Variants in CDH4 observed in about 807,000 individuals in gnomAD.
CDH4 encodes cadherin 4, also known as cadherin-4.
CDH4 carries 33 observed loss-of-function variants against 86.0 expected under a neutral mutation model. The ratio of observed to expected loss-of-function variants is 0.38; its 90% CI spans 0.29 to 0.51. CDH4 has a LOEUF of 0.51. Among genes scored for constraint, CDH4 ranks in the 20% least tolerant of loss-of-function variants. The pLI is 0.86. For synonymous variants in CDH4, 555 were observed against 549.4 expected (o/e 1.01, Z -0.14); for missense variants, 1,114 against 1,307.4 (o/e 0.85, Z 2.28).
At chr20:61,834,321 TG>T (rs748963238) in intron 4 of CDH4, among the ~76,000 whole-genome samples, 10 of 152,148 alleles carry the variant, frequency 6.6e-5, no homozygotes, top group Non-Finnish European at 1.0e-4. Flanking sequence ...ATCTGGGGCC[TG>T]GGGTCTGGGG....
chr20:61,312,739 T>C (rs1222703383), intron 2 of CDH4, among the ~76,000 whole-genome samples: 3 of 152,162 alleles, frequency 2.0e-5, no homozygotes, highest in African/African-American at 7.2e-5. Flanking sequence ...TGAGTGGTTA[T>C]TAATTTTGTG....
intron 2 of CDH4, among the ~76,000 whole-genome samples, chr20:61,284,787 C>T (rs984578182): frequency 1.3e-5 from 2 of 152,166 alleles, no homozygotes; most frequent in Non-Finnish European, 2.9e-5. Context: ...TGGAACCAAA[C>T]AATAAAACTT....
intron 2 of CDH4, among the ~76,000 whole-genome samples, chr20:61,535,231 C>A (rs979756113): frequency 8.5e-5 from 13 of 152,216 alleles, no homozygotes; most frequent in Non-Finnish European, 1.5e-5. Flanking sequence ...ACCTGATGAC[C>A]TGTAACTTCA....
chr20:61,615,033 T>G (rs1314051419), intron 2 of CDH4, among the ~76,000 whole-genome samples: 3 of 152,164 alleles, frequency 2.0e-5, no homozygotes, highest in African/African-American at 7.2e-5. Flanking sequence ...GGAAGAGGCC[T>G]CTGCTGGGAG....
intron 2 of CDH4, among the ~76,000 whole-genome samples, chr20:61,438,197 G>A (rs2145527750): frequency 6.6e-6 from 1 of 152,270 alleles, no homozygotes; most frequent in South Asian, 2.1e-4. Context: ...TTCCAGTGAT[G>A]CCTTTAATTC....
chr20:61,699,527 C>T (rs541993178), intron 2 of CDH4, among the ~76,000 whole-genome samples: 2 of 87,830 alleles, frequency 2.3e-5, no homozygotes, highest in African/African-American at 5.5e-5. Flanking sequence ...TCTGGCTCTC[C>T]GAGTTGTTGT....
At chr20:61,657,276 T>G (rs1174123042) in intron 2 of CDH4, among the ~76,000 whole-genome samples, 2 of 152,204 alleles carry the variant, frequency 1.3e-5, no homozygotes, top group Non-Finnish European at 2.9e-5. Context: ...CAAGGTTGAT[T>G]CTCCTACATG....
rs147545881 is a variant in CDH4 at position 61,593,573 on chromosome 20, T to C, written c.170-149990T>C. Reference sequence around the variant, plus strand: ...GGCGTGCAGCAGTGTCACATTGTGATTTAGTAGATTTTTCAGAATGAGAGT... The same window carrying C: ...GGCGTGCAGCAGTGTCACATTGTGACTTAGTAGATTTTTCAGAATGAGAGT... On this transcript the variant is annotated intron_variant, in intron 2 of 15. Transcript: ENST00000614565. Among the ~76,000 whole-genome samples the C allele has an allele frequency of 2.1e-3, 321 of 152,292 alleles. 1 individual carries two copies. The highest frequency in any genetic ancestry group is 7.6e-3 in the African/African-American group (314 of 41,578).
intron 9 of CDH4, among the ~76,000 whole-genome samples, chr20:61,919,303 C>T (rs1353567194): frequency 1.3e-5 from 2 of 152,210 alleles, no homozygotes; most frequent in Non-Finnish European, 2.9e-5. Context: ...CCCTGAGAGG[C>T]TGTGGTGGCC....
intron 2 of CDH4, among the ~76,000 whole-genome samples, chr20:61,579,629 C>G (rs1222692790): frequency 6.6e-6 from 1 of 152,040 alleles, no homozygotes; most frequent in Non-Finnish European, 1.5e-5. Flanking sequence ...GATTCCAGCC[C>G]CAGGTTGTGT....
intron 8 of CDH4, among the ~76,000 whole-genome samples, chr20:61,896,225 T>G (rs997726897): frequency 1.9e-4 from 29 of 152,090 alleles, no homozygotes; most frequent in African/African-American, 6.5e-4. Context: ...ACCAACCCAG[T>G]GACAGATGAG....
chr20:61,612,030 G>A lies in CDH4; in HGVS notation c.170-131533G>A, dbSNP rs933826053. Among the ~76,000 whole-genome samples, 41 of 152,026 alleles carry A rather than the reference G, an allele frequency of 2.7e-4. 1 individual carries two copies. Among genetic ancestry groups the A allele is most frequent in the African/African-American group, 8.2e-4 (34 of 41,304 alleles). ...TTTGCAAAGGTTTCTTGGATATTAC[G>A]CACATTGTTGATTTTGCCAGATAGC... is the stretch of plus-strand genomic sequence containing the variant. On this transcript the variant is annotated intron_variant, in intron 2 of 15. Coordinates refer to ENST00000614565, the MANE Select transcript of CDH4 (RefSeq NM_001794.5).
intron 2 of CDH4, among the ~76,000 whole-genome samples, chr20:61,524,546 G>A (rs951767411): frequency 1.3e-5 from 2 of 151,328 alleles, no homozygotes; most frequent in African/African-American, 4.9e-5. Context: ...GTGCAGTGCT[G>A]CAATCTCAGC....
In CDH4 at chr20:61,454,475, T is replaced by G. The variant is rs1375485707; in HGVS notation, c.169+199538T>G. ...TTTCTTTCTTTTTTGAGACGGAGTC[T>G]CACTCTGTCCCCCAGGCTGGAGTGC... On this transcript the variant is annotated intron_variant, in intron 2 of 15. Coordinates refer to ENST00000614565, the MANE Select transcript of CDH4 (RefSeq NM_001794.5). Among the ~76,000 whole-genome samples the G allele has an allele frequency of 3.9e-5, 6 of 152,132 alleles. No individual in the cohort carries two copies. In the East Asian group the frequency reaches 1.2e-3, roughly 29 times the overall value.
At chr20:61,840,783 T>G (rs192630803) in intron 4 of CDH4, among the ~76,000 whole-genome samples, 207 of 152,326 alleles carry the variant, frequency 1.4e-3, no homozygotes, top group African/African-American at 4.9e-3. Context: ...CTTCTTAATA[T>G]GGTAAACTGT....
intron 2 of CDH4, among the ~76,000 whole-genome samples, chr20:61,461,698 T>A (rs1366569213): frequency 6.6e-6 from 1 of 152,206 alleles, no homozygotes; most frequent in Non-Finnish European, 1.5e-5. Context: ...TCCTGTGTTA[T>A]TTCCACATTT....
chr20:61,529,859 A>G (rs1429835796), intron 2 of CDH4, among the ~76,000 whole-genome samples: 1 of 151,950 alleles, frequency 6.6e-6, no homozygotes, highest in African/African-American at 2.4e-5. Flanking sequence ...TTTTTTTGAG[A>G]TGGAGTCTCG....
intron 2 of CDH4, chr20:61,599,834 C>G (rs2145742861): frequency 1.0e-6 from 1 of 985,662 alleles, no homozygotes; most frequent in South Asian, 4.7e-5. Flanking sequence ...CTGGTTGAAG[C>G]TGAAGCCCGC....
intron 2 of CDH4, among the ~76,000 whole-genome samples, chr20:61,291,866 T>G (rs886191177): frequency 1.3e-5 from 2 of 152,200 alleles, no homozygotes; most frequent in Non-Finnish European, 2.9e-5. Flanking sequence ...CGATACCCAA[T>G]AGTTGTCTTT....
Sources: gnomAD v4.1 joint callset for allele counts (sites outside exome capture counted in the v4.1 genomes callset) on GRCh38, gnomAD v4.1.1 for gene constraint, MANE v1.5 for transcripts, NCBI Gene and HGNC (gene_info 2026-07-23, HGNC 2026-07-21) for gene names.